Variants in GPHN observed in about 807,000 individuals in gnomAD.
GPHN encodes gephyrin.
A neutral mutation model predicts 95.5 loss-of-function variants in GPHN; 17 were observed. The observed-to-expected ratio is 0.18, with a 90% CI of 0.12 to 0.27. The LOEUF (loss-of-function observed/expected upper bound fraction) is 0.27, where lower values mean the gene tolerates loss of function less well. Ranked by LOEUF, GPHN falls within the 10% of genes least tolerant of loss-of-function variation. The pLI is 1.00. For missense variants in GPHN, 660 were observed against 978.1 expected (o/e 0.67, Z 4.34); for synonymous variants, 320 against 322.5 (o/e 0.99, Z 0.08).
the GPHN span, chr14:67,589,990 A>C: frequency 6.8e-7 from 1 of 1,459,964 alleles, no homozygotes; most frequent in Non-Finnish European, 9.1e-7. Flanking sequence ...GACTGTGTCC[A>C]CCTGATGGTT....
chr14:67,726,925 T>C, the GPHN span: 5 of 1,529,812 alleles, frequency 3.3e-6, no homozygotes, highest in Non-Finnish European at 3.6e-6. Flanking sequence ...GGCTCCCACA[T>C]GCTGAGCCTG....
At chr14:67,650,965 T>C in the GPHN span, 1 of 1,573,210 alleles carries the variant, frequency 6.4e-7, no homozygotes, top group African/African-American at 1.3e-5. Context: ...ATTCCAGAAT[T>C]ATGAGGCATT....
At chr14:66,519,011 GT>G (rs2058368729) in intron 1 of GPHN, among the ~76,000 whole-genome samples, 1 of 151,850 alleles carries the variant, frequency 6.6e-6, no homozygotes, top group South Asian at 2.1e-4. Context: ...AATGATAAAT[GT>G]TCAAGATGAT....
the GPHN span, among the ~76,000 whole-genome samples, chr14:67,718,598 T>C: frequency 6.6e-6 from 1 of 152,222 alleles, no homozygotes; most frequent in African/African-American, 2.4e-5. Flanking sequence ...AGGATCCTTC[T>C]CAAAGGTGTT....
At chr14:67,455,905 G>A in the GPHN span, among the ~76,000 whole-genome samples, 1 of 152,100 alleles carries the variant, frequency 6.6e-6, no homozygotes, top group Non-Finnish European at 1.5e-5. Flanking sequence ...ACACCATTTT[G>A]GACATAGGCC....
chr14:66,551,834 A>G (rs1015086025), intron 1 of GPHN, among the ~76,000 whole-genome samples: 2 of 152,210 alleles, frequency 1.3e-5, no homozygotes, highest in Non-Finnish European at 2.9e-5. Flanking sequence ...GTGAGAACTC[A>G]CTAAGTATCA....
At chr14:67,321,698 C>T in the GPHN span, among the ~76,000 whole-genome samples, 1 of 152,158 alleles carries the variant, frequency 6.6e-6, no homozygotes, top group African/African-American at 2.4e-5. Flanking sequence ...TTGACTATGA[C>T]CCGTCACATG....
At chr14:67,571,988 C>T in the GPHN span, 1 of 1,509,886 alleles carries the variant, frequency 6.6e-7, no homozygotes, top group Non-Finnish European at 9.0e-7. Context: ...GGCGTCCCCA[C>T]TTGATCTGAG....
intron 1 of GPHN, among the ~76,000 whole-genome samples, chr14:66,515,242 C>T (rs1418351071): frequency 2.6e-5 from 4 of 152,020 alleles, no homozygotes; most frequent in Non-Finnish European, 4.4e-5. Flanking sequence ...TTTGTCATAG[C>T]ATCTGTTAAT....
Position 67,049,211 on chromosome 14 carries a change from TTTG to T in GPHN, c.1007-9408_1007-9406del, listed in dbSNP as rs139585227. The stretch of plus-strand genomic sequence containing the variant: ...TTGGTCCTTTTTCCTGCTGATTAAG[TTTG>T]TTGTTGTTGTTGTTGTTGTTGTTGT... On this transcript the variant is annotated intron_variant, in intron 10 of 22. Transcript: ENST00000478722. 1.7e-3 allele frequency among the ~76,000 whole-genome samples: 257 copies of T among 150,908 alleles called. 1 individual carries two copies. The highest frequency in any genetic ancestry group is 3.4e-3 in the Admixed American group (52 of 15,150).
chr14:67,517,957 G>A, the GPHN span, among the ~76,000 whole-genome samples: 2 of 152,210 alleles, frequency 1.3e-5, no homozygotes, highest in African/African-American at 4.8e-5. Context: ...GTCTGCTGTA[G>A]AAATGGACTT....
the GPHN span, chr14:67,678,451 C>T: frequency 6.7e-7 from 1 of 1,497,130 alleles, no homozygotes; most frequent in Non-Finnish European, 9.3e-7. Context: ...AGGTATGAAG[C>T]ACAGTGTTAA....
intron 1 of GPHN, among the ~76,000 whole-genome samples, chr14:66,563,294 AG>A (rs1445374097): frequency 1.3e-5 from 2 of 152,164 alleles, no homozygotes; most frequent in Non-Finnish European, 2.9e-5. Context: ...ATGTAATTTA[AG>A]CTTCGTATCA....
At chr14:66,545,695 G>A (rs1401784218) in intron 1 of GPHN, among the ~76,000 whole-genome samples, 11 of 121,738 alleles carry the variant, frequency 9.0e-5, no homozygotes, top group South Asian at 2.8e-4. Flanking sequence ...GGGCAGAGGC[G>A]CCCCTCACCT....
intron 8 of GPHN, among the ~76,000 whole-genome samples, chr14:66,941,723 G>C (rs1261887463): frequency 6.6e-6 from 1 of 150,800 alleles, no homozygotes; most frequent in African/African-American, 2.5e-5. Flanking sequence ...GCATCCTGTT[G>C]CAAAAGAAAA....
At chr14:66,546,288 T>G in intron 1 of GPHN, among the ~76,000 whole-genome samples, 1 of 141,282 alleles carries the variant, frequency 7.1e-6, no homozygotes, top group East Asian at 2.2e-4. Flanking sequence ...CTTTCCAGAC[T>G]GGGCAGCCAG....
the GPHN span, chr14:67,196,715 A>T: frequency 0.19 from 29,427 of 152,036 alleles, 4,573 homozygotes; most frequent in East Asian, 0.42. Context: ...GCCAATTATG[A>T]GCTATGGACT....
chr14:67,545,293 T>C, the GPHN span, among the ~76,000 whole-genome samples: 1 of 152,208 alleles, frequency 6.6e-6, no homozygotes, highest in African/African-American at 2.4e-5. Context: ...GGTTTGTACA[T>C]TTCTACAAAC....
chr14:67,714,069 C>T, the GPHN span, among the ~76,000 whole-genome samples: 1 of 152,286 alleles, frequency 6.6e-6, no homozygotes. Flanking sequence ...AAAATGTTTC[C>T]TTTCACAGTA....
Sources: gnomAD v4.1 joint callset for allele counts (sites outside exome capture counted in the v4.1 genomes callset) on GRCh38, gnomAD v4.1.1 for gene constraint, MANE v1.5 for transcripts, NCBI Gene and HGNC (gene_info 2026-07-23, HGNC 2026-07-21) for gene names.